Variants in CNTNAP3B observed in about 807,000 individuals in gnomAD.
The protein encoded by CNTNAP3B is contactin-associated protein-like 3B.
CNTNAP3B carries 25 observed loss-of-function variants against 108.9 expected under a neutral mutation model. The observed-to-expected ratio is 0.23, with a 90% CI of 0.17 to 0.32. The LOEUF (loss-of-function observed/expected upper bound fraction) is 0.32. Among genes scored for constraint, CNTNAP3B ranks in the 10% least tolerant of loss-of-function variants. The pLI is 1.00. For missense variants in CNTNAP3B, 252 were observed against 1,210.4 expected (o/e 0.21, Z 11.75); for synonymous variants, 103 against 473.4 (o/e 0.22, Z 10.16).
rs1257411984 is a variant in CNTNAP3B, at chr9:41,951,376, T to A, written c.2080+1807A>T. Among the ~76,000 whole-genome samples the A allele has an allele frequency of 2.0e-5, 2 of 102,214 alleles. 1 individual carries two copies. Among genetic ancestry groups the A allele is most frequent in the Non-Finnish European group, 4.2e-5 (2 of 47,314 alleles). 67.1% of individuals were successfully genotyped at this position (102,214 alleles called of 152,430 possible). ...AAAGATCACCTGGGGATTTTTTTTT[T>A]AAACGATTCCAAAGCCAAGGCTACA... is the stretch of plus-strand genomic sequence containing the variant. On this transcript the variant is annotated intron_variant, in intron 13 of 23. Transcript: ENST00000377561.
At chr9:42,056,326 T>TTA (rs1827067641) in intron 3 of CNTNAP3B, among the ~76,000 whole-genome samples, 3 of 129,120 alleles carry the variant, frequency 2.3e-5, no homozygotes, top group Non-Finnish European at 3.2e-5. Flanking sequence ...TCTCATGAAT[T>TTA]TTATTATTAT....
intron 3 of CNTNAP3B, among the ~76,000 whole-genome samples, chr9:42,023,605 A>G (rs1250300964): frequency 2.0e-5 from 2 of 100,744 alleles, no homozygotes; most frequent in Admixed American, 1.0e-4. Flanking sequence ...ACTATTTTTT[A>G]TTGGCCAGTC....
rs555973388 is a variant in CNTNAP3B, at chr9:42,023,625, C to T, written c.391-10100G>A. ...TTTTTATTGGCCAGTCACAAATGTC[C>T]CAAATGCTTGAGTTCAGTTTGACAC... is the stretch of plus-strand genomic sequence containing the variant. On this transcript the variant is annotated intron_variant, in intron 3 of 23. Transcript: ENST00000377561. 3.4e-4 allele frequency among the ~76,000 whole-genome samples: 36 copies of T among 105,660 alleles called. 2 individuals are homozygous for T. Among genetic ancestry groups the T allele is most frequent in the African/African-American group, 1.3e-3 (35 of 27,406 alleles). The allele number at this position is 105,660 out of a possible 152,430, so 69.3% of individuals were successfully genotyped here. A position where few individuals can be genotyped will look rare whatever the true frequency, so the allele number is the denominator to read the frequency against.
intron 3 of CNTNAP3B, among the ~76,000 whole-genome samples, chr9:42,047,733 C>A (rs1452105571): frequency 1.1e-5 from 1 of 90,010 alleles, no homozygotes; most frequent in Non-Finnish European, 2.2e-5. Flanking sequence ...CAGCACCCTG[C>A]CCCTCGCCCC....
intron 9 of CNTNAP3B, among the ~76,000 whole-genome samples, chr9:41,973,067 G>A (rs1402672220): frequency 7.2e-6 from 1 of 138,574 alleles, no homozygotes; most frequent in African/African-American, 2.8e-5. Context: ...CCTCCCGAGT[G>A]GCTGGGACTA....
intron 10 of CNTNAP3B, among the ~76,000 whole-genome samples, chr9:41,967,547 G>T (rs1173411462): frequency 2.6e-5 from 4 of 152,292 alleles, no homozygotes; most frequent in African/African-American, 9.6e-5. Flanking sequence ...TTGTTTGTTT[G>T]TTTGTTAACA....
chr9:41,918,014 A>G (rs1187520791), intron 18 of CNTNAP3B, among the ~76,000 whole-genome samples: 1 of 152,306 alleles, frequency 6.6e-6, no homozygotes, highest in African/African-American at 2.4e-5. Context: ...TCCTTAGGAC[A>G]TTTTCTAAAG....
At chr9:42,030,762 G>A (rs1826502137) in intron 3 of CNTNAP3B, among the ~76,000 whole-genome samples, 1 of 116,076 alleles carries the variant, frequency 8.6e-6, no homozygotes, top group African/African-American at 3.9e-5. Context: ...GAGAGAGAGA[G>A]AGAGAGAGAG....
At position 42,107,974 on chromosome 9, in the gene CNTNAP3B, T is replaced by TA. The variant is rs67012140; in HGVS notation, c.86-3236dup. Among the ~76,000 whole-genome samples, 121 of 110,058 alleles carry TA rather than the reference T, an allele frequency of 1.1e-3. 17 individuals are homozygous for TA. The highest frequency in any genetic ancestry group is 2.7e-3 in the African/African-American group (72 of 26,288). The allele number at this position is 110,058 out of a possible 152,430, so 72.2% of individuals were successfully genotyped here. A position where few individuals can be genotyped will look rare whatever the true frequency, so the allele number is the denominator to read the frequency against. On this transcript the variant is annotated intron_variant, in intron 1 of 23. Coordinates refer to ENST00000377561, the MANE Select transcript of CNTNAP3B (RefSeq NM_001201380.3). ...TGGGCGACAGAGAAAGACTCCGTCT[T>TA]AAAAAAAAAAAAAAGAAAGAAAGAA...
chr9:42,088,588 T>C (rs1308250755), intron 2 of CNTNAP3B, among the ~76,000 whole-genome samples: 1 of 139,416 alleles, frequency 7.2e-6, no homozygotes, highest in Non-Finnish European at 1.5e-5. Flanking sequence ...TTGCTATAGA[T>C]AACTTGATGC....
At chr9:41,956,570 C>G (rs1824867235) in intron 12 of CNTNAP3B, among the ~76,000 whole-genome samples, 1 of 150,838 alleles carries the variant, frequency 6.6e-6, no homozygotes, top group African/African-American at 2.4e-5. Context: ...CCTATATGTC[C>G]CAGAAGAAAA....
intron 3 of CNTNAP3B, among the ~76,000 whole-genome samples, chr9:42,063,011 A>G (rs1315254880): frequency 1.0e-5 from 1 of 99,932 alleles, no homozygotes; most frequent in Non-Finnish European, 2.1e-5. Flanking sequence ...AACTATTTTT[A>G]ATAGTTTGTT....
At chr9:42,116,008 C>T (rs62558081) in intron 1 of CNTNAP3B, among the ~76,000 whole-genome samples, 1,911 of 138,682 alleles carry the variant, frequency 0.014, 280 homozygotes, top group South Asian at 0.057. Context: ...GAATAAACAG[C>T]GTAGAGAAGA....
At chr9:41,952,924 G>T (rs1428047018) in intron 13 of CNTNAP3B, among the ~76,000 whole-genome samples, 2 of 152,110 alleles carry the variant, frequency 1.3e-5, no homozygotes, top group East Asian at 3.9e-4. Flanking sequence ...TAAGTTATTA[G>T]CAAAATTTCC....
chr9:41,950,533 G>T (rs185040684), intron 13 of CNTNAP3B, among the ~76,000 whole-genome samples: 1,350 of 118,408 alleles, frequency 0.011, 10 homozygotes, highest in African/African-American at 0.041. Flanking sequence ...CCATGCCACC[G>T]ATTGCTAATC....
At chr9:41,943,405 T>G (rs2118096743) in intron 13 of CNTNAP3B, among the ~76,000 whole-genome samples, 1 of 144,560 alleles carries the variant, frequency 6.9e-6, no homozygotes, top group Non-Finnish European at 1.5e-5. Context: ...CAGGCTGGAG[T>G]GCAGTGGTGC....
chr9:41,964,292 A>G (rs1825197029), intron 11 of CNTNAP3B, among the ~76,000 whole-genome samples: 1 of 152,094 alleles, frequency 6.6e-6, no homozygotes, highest in East Asian at 1.9e-4. Context: ...TGATTCTCCT[A>G]GACTTATTTC....
chr9:41,962,724 G>T (rs1362349315), intron 11 of CNTNAP3B, among the ~76,000 whole-genome samples: 1 of 150,544 alleles, frequency 6.6e-6, no homozygotes, highest in East Asian at 1.9e-4. Flanking sequence ...GGGAGTCCAA[G>T]GCAGGTGGAT....
intron 23 of CNTNAP3B, among the ~76,000 whole-genome samples, 165 bp from the exon 24 acceptor site, chr9:41,894,275 C>CT (rs1823382344): frequency 8.1e-6 from 1 of 124,162 alleles, no homozygotes; most frequent in African/African-American, 3.7e-5. Context: ...CACCGTTCAG[C>CT]TTATTTTTTT....
Sources: allele counts gnomAD v4.1 joint callset (sites outside exome capture counted in the v4.1 genomes callset), GRCh38; gene constraint gnomAD v4.1.1; transcripts MANE v1.5; gene names NCBI Gene and HGNC (gene_info 2026-07-23, HGNC 2026-07-21).